The following PCDHGA7 variants were observed in gnomAD, a reference collection of about 807,000 sequenced individuals.
PCDHGA7 encodes the protein protocadherin gamma subfamily A, 7, also known as protocadherin gamma-A7.
A neutral mutation model predicts 58.3 loss-of-function variants in PCDHGA7; 44 were observed. The ratio of observed to expected loss-of-function variants is 0.75; its 90% CI spans 0.59 to 0.97. The LOEUF (loss-of-function observed/expected upper bound fraction) is 0.97. Among genes scored for constraint, PCDHGA7 ranks in the 50% least tolerant of loss-of-function variants. The pLI is 0.00. For synonymous variants in PCDHGA7, 516 were observed against 504.2 expected (o/e 1.02, Z -0.31); for missense variants, 1,266 against 1,188.7 (o/e 1.06, Z -0.96).
At chr5:141,393,021 G>A (rs758868753) in intron 1 of PCDHGA7, 1 of 1,613,850 alleles carries the variant, frequency 6.2e-7, no homozygotes, top group Non-Finnish European at 8.5e-7. Context: ...CGTCTCCAGA[G>A]GTAGGACGCA....
chr5:141,394,009 GTAA>G, intron 1 of PCDHGA7: 1 of 1,613,394 alleles, frequency 6.2e-7, no homozygotes, highest in Non-Finnish European at 8.5e-7. Flanking sequence ...AAGTCAATAG[GTAA>G]TTATTATAGA....
chr5:141,472,218 G>A (rs1206861601), intron 1 of PCDHGA7, among the ~76,000 whole-genome samples: 3 of 152,054 alleles, frequency 2.0e-5, no homozygotes, highest in Admixed American at 2.0e-4. Flanking sequence ...CCTTACTCTC[G>A]ATCATATAAT....
chr5:141,446,230 G>A (rs548647406), intron 1 of PCDHGA7, among the ~76,000 whole-genome samples: 22 of 152,208 alleles, frequency 1.4e-4, no homozygotes, highest in African/African-American at 4.6e-4. Context: ...GTGTTGCCTG[G>A]CAAGTGGTAG....
chr5:141,431,008 C>T lies in PCDHGA7; in HGVS notation c.2424+45685C>T. The T allele has an allele frequency of 6.2e-7, 1 of 1,614,118 alleles. No individual in the cohort carries two copies. The highest frequency in any genetic ancestry group is 1.1e-5 in the South Asian group (1 of 91,076). ...TCGCCCTGAATCCGCGCAGCGGCAG[C>T]TTGGTCACGGCGGGCAGGATAGACC... On this transcript the variant is annotated intron_variant, in intron 1 of 3. Transcript: ENST00000518325. This position sits in a 1 kb window ranked among gnomAD's most constrained non-coding sequence, Gnocchi z 4.8.
At chr5:141,396,546 G>A (rs2093396215) in intron 1 of PCDHGA7, 1 of 152,118 alleles carries the variant, frequency 6.6e-6, no homozygotes, top group Non-Finnish European at 1.5e-5. Context: ...CTTGAACCCG[G>A]GAGGTGGAGG....
rs1488042504 is a variant in PCDHGA7, at chr5:141,511,552, T to C, written c.*379T>C. ...CCTCCTCCCCACCCCACTCCAACAG[T>C]TCCTCTTTCCCGAGTAAGGTGGTTG... On this transcript the variant is annotated 3_prime_UTR_variant, in exon 4 of 4. Coordinates refer to ENST00000518325, the MANE Select transcript of PCDHGA7 (RefSeq NM_018920.4). 1.3e-5 allele frequency: 4 copies of C among 304,316 alleles called. No individual in the cohort carries two copies. The highest frequency in any genetic ancestry group is 2.6e-5 in the Non-Finnish European group (4 of 156,548). The allele number at this position is 304,316 out of a possible 1,614,324, so 18.9% of individuals were successfully genotyped here.
chr5:141,405,016 C>A (rs538744733), intron 1 of PCDHGA7: 1 of 1,614,006 alleles, frequency 6.2e-7, no homozygotes, highest in African/African-American at 1.3e-5. Flanking sequence ...AGGCCTCAGA[C>A]CTTACCCTCT....
intron 1 of PCDHGA7, among the ~76,000 whole-genome samples, chr5:141,405,944 A>T (rs1435240635): frequency 6.6e-6 from 1 of 152,130 alleles, no homozygotes; most frequent in East Asian, 1.9e-4. Flanking sequence ...TCATGTTCTC[A>T]TAATAATTAA....
chr5:141,427,914 A>G (rs757621783), intron 1 of PCDHGA7: 123 of 1,576,802 alleles, frequency 7.8e-5, no homozygotes, highest in Non-Finnish European at 7.6e-5. Context: ...CAGCGCCAAC[A>G]TGAGCCGGCG....
chr5:141,385,707 A>C (rs1397936755), intron 1 of PCDHGA7: 1 of 259,744 alleles, frequency 3.8e-6, no homozygotes, highest in Non-Finnish European at 6.2e-6. Flanking sequence ...TTTAGCATTC[A>C]AATATGTAAA....
Position 141,486,487 on chromosome 5 carries a change from C to G in PCDHGA7, c.2425-8320C>G. The G allele has an allele frequency of 6.2e-7, 1 of 1,614,086 alleles. No homozygotes were observed. The highest frequency in any genetic ancestry group is 1.1e-5 in the South Asian group (1 of 91,074). ...CTGGGAACCCTCCTCTCAGTACCCA[C>G]AGAACTATTTTCCTCAATATTTCAG... On this transcript the variant is annotated intron_variant, in intron 1 of 3. Coordinates refer to ENST00000518325, the MANE Select transcript of PCDHGA7 (RefSeq NM_018920.4). This position sits in a 1 kb window ranked among gnomAD's most constrained non-coding sequence, Gnocchi z 5.0.
chr5:141,390,098 C>A (rs2092044435), intron 1 of PCDHGA7: 1 of 1,613,924 alleles, frequency 6.2e-7, no homozygotes, highest in Non-Finnish European at 8.5e-7. Context: ...CCGTGGTTCC[C>A]CCCAACTACA....
chr5:141,423,226 G>A lies in PCDHGA7; in HGVS notation c.2424+37903G>A, dbSNP rs775936938. On this transcript the variant is annotated intron_variant, in intron 1 of 3. Coordinates refer to ENST00000518325, the MANE Select transcript of PCDHGA7 (RefSeq NM_018920.4). The stretch of plus-strand genomic sequence containing the variant: ...CGTCACGCTCACCGTGGCTGTGGCC[G>A]ACAGCATCCCCGAAGTCCTGGCGGA... The A allele has an allele frequency of 2.2e-5, 36 of 1,613,708 alleles. No homozygotes were observed. The highest frequency in any genetic ancestry group is 2.6e-5 in the Non-Finnish European group (31 of 1,180,034).
intron 1 of PCDHGA7, among the ~76,000 whole-genome samples, chr5:141,483,599 G>A (rs1419379218): frequency 6.6e-6 from 1 of 152,048 alleles, no homozygotes; most frequent in African/African-American, 2.4e-5. Flanking sequence ...GGTCAGGCTG[G>A]TTTACACCTC....
At chr5:141,465,775 T>TA (rs2099108994) in intron 1 of PCDHGA7, among the ~76,000 whole-genome samples, 1 of 152,030 alleles carries the variant, frequency 6.6e-6, no homozygotes, top group African/African-American at 2.4e-5. Context: ...CATCTCTTGT[T>TA]ACAGTTTTTT....
rs777293240 is a variant in PCDHGA7, at chr5:141,393,034, T to A, written c.2424+7711T>A. The A allele has an allele frequency of 1.3e-5, 21 of 1,613,636 alleles. No homozygotes were observed. Among genetic ancestry groups the A allele is most frequent in the Admixed American group, 6.7e-5 (4 of 59,986 alleles). Reference sequence around the variant, plus strand: ...ATCGTCTCCAGAGGTAGGACGCAGCTCTTTGCTCTGAACCCGCGCAGCGGC... The same window carrying A: ...ATCGTCTCCAGAGGTAGGACGCAGCACTTTGCTCTGAACCCGCGCAGCGGC... On this transcript the variant is annotated intron_variant, in intron 1 of 3. Coordinates refer to ENST00000518325, the MANE Select transcript of PCDHGA7 (RefSeq NM_018920.4).
intron 1 of PCDHGA7, among the ~76,000 whole-genome samples, chr5:141,439,224 T>C (rs989512996): frequency 2.2e-4 from 33 of 152,030 alleles, no homozygotes; most frequent in Middle Eastern, 3.4e-3. Context: ...TGAAAATTCT[T>C]AGAAGCTTCC....
At chr5:141,398,228 G>A (rs2150736860) in intron 1 of PCDHGA7, 1 of 1,475,144 alleles carries the variant, frequency 6.8e-7, no homozygotes, top group East Asian at 2.5e-5. Flanking sequence ...GAGCAGATCC[G>A]CTACAGGATT....
At chr5:141,400,538 A>G (rs994052728) in intron 1 of PCDHGA7, 1 of 1,613,662 alleles carries the variant, frequency 6.2e-7, no homozygotes, top group African/African-American at 1.3e-5. Context: ...AGTTTCATTT[A>G]TGTCTATTCT....
Sources: gnomAD v4.1 joint callset for allele counts (sites outside exome capture counted in the v4.1 genomes callset) on GRCh38, gnomAD v4.1.1 for gene constraint, Gnocchi (gnomAD v3.1) non-coding constraint, MANE v1.5 for transcripts, NCBI Gene and HGNC (gene_info 2026-07-23, HGNC 2026-07-21) for gene names.